The following DLGAP1 variants were observed in gnomAD, a reference collection of about 807,000 sequenced individuals.
The protein encoded by DLGAP1 is DLG associated protein 1, also known as disks large-associated protein 1.
Under a neutral mutation model 90.8 loss-of-function variants are expected in DLGAP1, and 11 were observed. The ratio of observed to expected loss-of-function variants is 0.12; its 90% CI spans 0.08 to 0.20. The LOEUF (loss-of-function observed/expected upper bound fraction) is 0.20. DLGAP1 is among the 10% of genes least tolerant of loss of function. The pLI is 1.00. For synonymous variants in DLGAP1, 558 were observed against 540.7 expected (o/e 1.03, Z -0.44); for missense variants, 1,050 against 1,333.8 (o/e 0.79, Z 3.31).
At chr18:3,532,541 G>A (rs2052079432) in intron 10 of DLGAP1, among the ~76,000 whole-genome samples, 1 of 148,896 alleles carries the variant, frequency 6.7e-6, no homozygotes, top group African/African-American at 2.5e-5. Flanking sequence ...TGGCACCATT[G>A]CACTCCAGCC....
At chr18:4,221,102 G>A (rs1282806088) in intron 1 of DLGAP1, among the ~76,000 whole-genome samples, 1 of 152,022 alleles carries the variant, frequency 6.6e-6, no homozygotes, top group African/African-American at 2.4e-5. Flanking sequence ...GCACAACAAT[G>A]AACTTGCTTG....
chr18:4,224,346 C>G (rs769389182), intron 1 of DLGAP1, among the ~76,000 whole-genome samples: 6 of 152,136 alleles, frequency 3.9e-5, no homozygotes, highest in Admixed American at 1.3e-4. Context: ...GTAAAGAAAA[C>G]AGACTAGGTA....
intron 3 of DLGAP1, among the ~76,000 whole-genome samples, chr18:3,960,445 C>T (rs938601468): frequency 6.6e-6 from 1 of 152,018 alleles, no homozygotes; most frequent in Non-Finnish European, 1.5e-5. Flanking sequence ...TACCTATAGT[C>T]CCAGCTAATG....
At chr18:3,609,678 A>G (rs558000475) in intron 7 of DLGAP1, among the ~76,000 whole-genome samples, 1 of 152,026 alleles carries the variant, frequency 6.6e-6, no homozygotes, top group South Asian at 2.1e-4. Flanking sequence ...AGAGTGTTCC[A>G]CTTACCCTGT....
At chr18:4,287,252 C>T (rs1485522938) in intron 1 of DLGAP1, among the ~76,000 whole-genome samples, 2 of 152,158 alleles carry the variant, frequency 1.3e-5, no homozygotes, top group Non-Finnish European at 2.9e-5. Flanking sequence ...CAGGAAACAA[C>T]AGATGCTGGA....
At chr18:4,393,025 A>G (rs2082369817) in intron 1 of DLGAP1, among the ~76,000 whole-genome samples, 1 of 152,154 alleles carries the variant, frequency 6.6e-6, no homozygotes, top group African/African-American at 2.4e-5. Flanking sequence ...TCTGCCATCA[A>G]CTTGAACTAG....
intron 5 of DLGAP1, among the ~76,000 whole-genome samples, chr18:3,755,584 C>CTTTG (rs1282417397): frequency 6.6e-6 from 1 of 152,146 alleles, no homozygotes; most frequent in Non-Finnish European, 1.5e-5. Flanking sequence ...CAAGGGGCGT[C>CTTTG]TTATAACAAC....
chr18:4,017,446 AC>A (rs1411374771), intron 2 of DLGAP1, among the ~76,000 whole-genome samples: 2 of 152,250 alleles, frequency 1.3e-5, no homozygotes, highest in Non-Finnish European at 2.9e-5. Flanking sequence ...ATTATTTCTA[AC>A]AAAAAAGTTA....
chr18:3,865,302 G>C, intron 4 of DLGAP1, among the ~76,000 whole-genome samples: 1 of 152,180 alleles, frequency 6.6e-6, no homozygotes, highest in Non-Finnish European at 1.5e-5. Flanking sequence ...CAGTCTCATG[G>C]GGTCAGTAGT....
At chr18:4,323,858 G>A (rs879671016) in intron 1 of DLGAP1, among the ~76,000 whole-genome samples, 2 of 152,112 alleles carry the variant, frequency 1.3e-5, no homozygotes. Flanking sequence ...AGAATCTCTG[G>A]GACACAGCTA....
chr18:3,985,249 G>A (rs976843939), intron 3 of DLGAP1, among the ~76,000 whole-genome samples: 6 of 152,090 alleles, frequency 3.9e-5, no homozygotes, highest in African/African-American at 1.2e-4. Context: ...TGTGATTTAT[G>A]TTATTGCTTT....
chr18:3,830,527 T>C lies in DLGAP1; in HGVS notation c.958-16254A>G, dbSNP rs1343479636. Reference sequence around the variant, plus strand: ...GTTGCAGGGAGCCGAGATCTTGCCATTGCACTCCAGCCTGGGAACCAGGGC... The same window carrying C: ...GTTGCAGGGAGCCGAGATCTTGCCACTGCACTCCAGCCTGGGAACCAGGGC... On this transcript the variant is annotated intron_variant, in intron 4 of 12. Transcript: ENST00000315677. 5.3e-5 allele frequency among the ~76,000 whole-genome samples: 8 copies of C among 152,228 alleles called. No individual in the cohort carries two copies. The East Asian group carries it at 1.5e-3, about 29-fold the overall frequency.
chr18:3,926,705 C>G (rs529815673), intron 3 of DLGAP1, among the ~76,000 whole-genome samples: 1 of 151,898 alleles, frequency 6.6e-6, no homozygotes, highest in Non-Finnish European at 1.5e-5. Context: ...TATGTATATA[C>G]GTACATATTC....
At chr18:3,665,191 G>T (rs998777116) in intron 7 of DLGAP1, among the ~76,000 whole-genome samples, 1 of 152,058 alleles carries the variant, frequency 6.6e-6, no homozygotes, top group Non-Finnish European at 1.5e-5. Flanking sequence ...AGAAAATCGT[G>T]GATGCTCAAA....
chr18:3,910,944 G>A (rs1458061007), intron 3 of DLGAP1, among the ~76,000 whole-genome samples: 1 of 152,182 alleles, frequency 6.6e-6, no homozygotes, highest in Admixed American at 6.6e-5. Context: ...ATTGCTTGCT[G>A]GGAATTAGAA....
At chr18:4,226,169 C>A (rs2078182683) in intron 1 of DLGAP1, among the ~76,000 whole-genome samples, 1 of 151,950 alleles carries the variant, frequency 6.6e-6, no homozygotes, top group African/African-American at 2.4e-5. Flanking sequence ...GAGAAAAAAA[C>A]CATTGATCTT....
At position 4,454,504 on chromosome 18, in the gene DLGAP1, C is replaced by G. The variant is rs536508973; in HGVS notation, c.-267+502G>C. ...GGGAGTTGGTCCTTTTCCACAATGC[C>G]AAAATGTCACCCAAAAAGCTAGTGC... On this transcript the variant is annotated intron_variant, in intron 1 of 12. Transcript: ENST00000315677. The surrounding 1 kb of genome is among the most constrained non-coding windows in gnomAD (Gnocchi z 4.7). Among the ~76,000 whole-genome samples the G allele has an allele frequency of 3.3e-5, 5 of 152,234 alleles. 1 individual carries two copies. The East Asian group carries it at 9.7e-4, about 30-fold the overall frequency.
chr18:4,042,802 G>A (rs2074995705), intron 2 of DLGAP1, among the ~76,000 whole-genome samples: 1 of 152,148 alleles, frequency 6.6e-6, no homozygotes, highest in Non-Finnish European at 1.5e-5. Flanking sequence ...TAGCAACGAT[G>A]TATATCACTT....
chr18:3,841,287 T>C (rs77648909), intron 4 of DLGAP1, among the ~76,000 whole-genome samples: 256 of 152,254 alleles, frequency 1.7e-3, no homozygotes, highest in African/African-American at 5.8e-3. Context: ...CTACTTTCTC[T>C]GTAGAGAAAG....
Sources: gnomAD v4.1 joint callset for allele counts (sites outside exome capture counted in the v4.1 genomes callset) on GRCh38, gnomAD v4.1.1 for gene constraint, Gnocchi (gnomAD v3.1) non-coding constraint, MANE v1.5 for transcripts, NCBI Gene and HGNC (gene_info 2026-07-23, HGNC 2026-07-21) for gene names.